The following B3GALNT2 variants were observed in gnomAD, a reference collection of about 807,000 sequenced individuals.
The protein encoded by B3GALNT2 is beta-1,3-N-acetylgalactosaminyltransferase 2.
B3GALNT2 carries 53 observed loss-of-function variants against 61.1 expected under a neutral mutation model. That is an observed-to-expected ratio of 0.87 (90% confidence interval 0.70 to 1.09). The LOEUF is 1.09. B3GALNT2 is among the 50% of genes least tolerant of loss of function. B3GALNT2 has a pLI of 0.00. For synonymous variants in B3GALNT2, 223 were observed against 237.4 expected, an observed-to-expected ratio of 0.94 and a Z score of 0.56; for missense variants, 544 against 623.0, an observed-to-expected ratio of 0.87 and a Z score of 1.35.
At chr1:235,442,470 A>G (rs1047503874), downstream of B3GALNT2, among the ~76,000 whole-genome samples, 1 of 152,216 alleles carries the variant, frequency 6.6e-6, no homozygotes, top group African/African-American at 2.4e-5. Context: ...GCGCCCTGTC[A>G]AAGAAATGAA....
intron 2 of B3GALNT2, 87 bp downstream of exon 2, chr1:235,494,594 C>A: frequency 7.1e-7 from 1 of 1,404,042 alleles, no homozygotes; most frequent in East Asian, 2.3e-5. Flanking sequence ...GTAGCTGGGA[C>A]GACGGGCACA....
intron 1 of B3GALNT2, among the ~76,000 whole-genome samples, chr1:235,503,330 T>C (rs1685670771): frequency 6.6e-6 from 1 of 152,244 alleles, no homozygotes; most frequent in Non-Finnish European, 1.5e-5. Context: ...CAGGGAAAGC[T>C]AAAGTAGTGT....
At chr1:235,486,883 G>A (rs910876415) in intron 3 of B3GALNT2, among the ~76,000 whole-genome samples, 1 of 152,126 alleles carries the variant, frequency 6.6e-6, no homozygotes, top group Admixed American at 6.6e-5. Flanking sequence ...TAAGACTCCA[G>A]TGAGGCCAGG....
chr1:235,491,598 C>T (rs1429834000), intron 2 of B3GALNT2, among the ~76,000 whole-genome samples: 1 of 152,088 alleles, frequency 6.6e-6, no homozygotes, highest in Non-Finnish European at 1.5e-5. Flanking sequence ...GATGATTCCA[C>T]TATTCTCCAA....
Position 235,504,286 on chromosome 1 carries a change from G to A in B3GALNT2, c.-34C>T. On this transcript the variant is annotated 5_prime_UTR_variant, in exon 1 of 12. In the 5' UTR this introduces an upstream ATG that the reference lacks. Coordinates refer to ENST00000366600, the MANE Select transcript of B3GALNT2 (RefSeq NM_152490.5). ...CCCGCCGCGAGCCGGGCTCTCCCGC[G>A]TCCCGGCGGAGAGGGAGGGGACCTG... 1.3e-6 allele frequency: 2 copies of A among 1,481,942 alleles called. No homozygotes were observed. The highest frequency in any genetic ancestry group is 1.2e-5 in the South Asian group (1 of 80,164). 91.8% of individuals were successfully genotyped at this position (1,481,942 alleles called of 1,614,324 possible).
chr1:235,496,464 T>G (rs1685327511), intron 1 of B3GALNT2, among the ~76,000 whole-genome samples: 1 of 152,162 alleles, frequency 6.6e-6, no homozygotes, highest in Non-Finnish European at 1.5e-5. Flanking sequence ...ATAGGCCATA[T>G]TTATTGAACA....
chr1:235,462,680 T>C (rs1050178134), intron 7 of B3GALNT2, among the ~76,000 whole-genome samples: 1 of 152,192 alleles, frequency 6.6e-6, no homozygotes, highest in Admixed American at 6.6e-5. Flanking sequence ...ACTTTTATAC[T>C]GAAAAATCAA....
At chr1:235,444,165 T>C (rs1682086231), downstream of B3GALNT2, among the ~76,000 whole-genome samples, 1 of 152,218 alleles carries the variant, frequency 6.6e-6, no homozygotes, top group Admixed American at 6.5e-5. Context: ...AAGGCCTTAG[T>C]TGTGTTCAAA....
At chr1:235,459,650 C>A (rs929709937) in intron 7 of B3GALNT2, among the ~76,000 whole-genome samples, 1 of 151,784 alleles carries the variant, frequency 6.6e-6, no homozygotes, top group Non-Finnish European at 1.5e-5. Context: ...AATAAAGAGA[C>A]GTAAATATGT....
At chr1:235,492,633 GGA>G (rs1685121346) in intron 2 of B3GALNT2, among the ~76,000 whole-genome samples, 1 of 152,144 alleles carries the variant, frequency 6.6e-6, no homozygotes, top group African/African-American at 2.4e-5. Flanking sequence ...ACATTCAAGT[GGA>G]GAAAGACAAA....
chr1:235,488,321 A>C (rs1437396931), intron 3 of B3GALNT2, among the ~76,000 whole-genome samples: 1 of 152,214 alleles, frequency 6.6e-6, no homozygotes, highest in East Asian at 1.9e-4. Flanking sequence ...TGAAAAATAA[A>C]GTCTCCTGGA....
chr1:235,467,123 C>T (rs895543684), intron 6 of B3GALNT2, among the ~76,000 whole-genome samples: 6 of 152,056 alleles, frequency 3.9e-5, no homozygotes, highest in African/African-American at 1.4e-4. Context: ...CGGAGGCGGG[C>T]GGATCACGAG....
At chr1:235,443,815 T>C (rs892781343), downstream of B3GALNT2, among the ~76,000 whole-genome samples, 6 of 152,230 alleles carry the variant, frequency 3.9e-5, no homozygotes, top group Non-Finnish European at 8.8e-5. Flanking sequence ...AAAATTGTGG[T>C]ACTGGAACTG....
In B3GALNT2 at chr1:235,448,626, A is replaced by C. The variant is rs200912876; in HGVS notation, c.*1580T>G. 69 of 1,534,896 alleles carry C rather than the reference A, an allele frequency of 4.5e-5. No homozygotes were observed. The African/African-American group carries it at 8.3e-4, about 19-fold the overall frequency. On this transcript the variant is annotated 3_prime_UTR_variant, in exon 12 of 12. Coordinates refer to ENST00000366600, the MANE Select transcript of B3GALNT2 (RefSeq NM_152490.5). ...GAGTATGTGTAGCATGCTTTATCGG[A>C]TCTGTCTTAATCACATCCTTCCCCA...
At chr1:235,445,240 A>G (rs566339993), downstream of B3GALNT2, among the ~76,000 whole-genome samples, 128 of 152,156 alleles carry the variant, frequency 8.4e-4, no homozygotes, top group African/African-American at 2.9e-3. Context: ...TCAAATGTGC[A>G]CTCACTCACT....
downstream of B3GALNT2, among the ~76,000 whole-genome samples, chr1:235,446,292 T>C (rs1682280944): frequency 1.3e-5 from 2 of 152,228 alleles, no homozygotes; most frequent in Non-Finnish European, 2.9e-5. Context: ...TCTCCCGGCC[T>C]CAGCTTCCCA....
At chr1:235,499,452 C>T (rs1023298912) in intron 1 of B3GALNT2, among the ~76,000 whole-genome samples, 1 of 152,182 alleles carries the variant, frequency 6.6e-6, no homozygotes, top group African/African-American at 2.4e-5. Context: ...AATGACAGAG[C>T]ATCTCCTATG....
At chr1:235,487,522 CA>C in intron 3 of B3GALNT2, among the ~76,000 whole-genome samples, 1 of 152,284 alleles carries the variant, frequency 6.6e-6, no homozygotes, top group Middle Eastern at 3.4e-3. Flanking sequence ...GGAGGTCACA[CA>C]GCTAGAAAAT....
intron 7 of B3GALNT2, among the ~76,000 whole-genome samples, chr1:235,462,811 T>C (rs1244860489): frequency 6.6e-6 from 1 of 152,218 alleles, no homozygotes; most frequent in Non-Finnish European, 1.5e-5. Flanking sequence ...TGTGAACTAG[T>C]ACAACCACTA....
Sources: gnomAD v4.1 joint callset for allele counts (sites outside exome capture counted in the v4.1 genomes callset) on GRCh38, gnomAD v4.1.1 for gene constraint, MANE v1.5 for transcripts, NCBI Gene and HGNC (gene_info 2026-07-23, HGNC 2026-07-21) for gene names.